ZFPM2: variants seen among roughly 807,000 people sequenced by gnomAD.
ZFPM2 encodes the protein zinc finger protein, FOG family member 2, also known as zinc finger protein ZFPM2.
ZFPM2 carries 20 observed loss-of-function variants against 98.6 expected under a neutral mutation model. That is an observed-to-expected ratio of 0.20 (90% CI 0.14 to 0.29). The LOEUF is 0.29. Among genes scored for constraint, ZFPM2 ranks in the 10% least tolerant of loss-of-function variants. ZFPM2 has a pLI of 1.00. For synonymous variants in ZFPM2, 518 were observed against 502.7 expected, an observed-to-expected ratio of 1.03 and a Z score of -0.41; for missense variants, 1,310 against 1,388.6, an observed-to-expected ratio of 0.94 and a Z score of 0.90.
intron 1 of ZFPM2, among the ~76,000 whole-genome samples, chr8:105,409,249 A>T (rs377461422): frequency 1.3e-5 from 2 of 151,844 alleles, no homozygotes; most frequent in South Asian, 2.1e-4. Flanking sequence ...AAATTGACAT[A>T]CTGTCCCCTA....
At chr8:105,497,954 A>T (rs1039803236) in intron 3 of ZFPM2, among the ~76,000 whole-genome samples, 2 of 136,986 alleles carry the variant, frequency 1.5e-5, no homozygotes, top group Non-Finnish European at 3.1e-5. Context: ...TGGGAGGGTG[A>T]GGTGGGAGGG....
At chr8:105,592,910 C>T (rs1456614797) in intron 4 of ZFPM2, among the ~76,000 whole-genome samples, 2 of 152,094 alleles carry the variant, frequency 1.3e-5, no homozygotes, top group African/African-American at 2.4e-5. Flanking sequence ...CATTTCATAT[C>T]GAAATTCTCT....
At chr8:105,429,227 T>TG (rs1446473199) in intron 2 of ZFPM2, among the ~76,000 whole-genome samples, 11 of 152,130 alleles carry the variant, frequency 7.2e-5, no homozygotes, top group African/African-American at 2.4e-4. Context: ...GTAATTTTTT[T>TG]CAATGCAAAT....
chr8:105,695,611 A>G (rs1411498673), intron 5 of ZFPM2, among the ~76,000 whole-genome samples: 1 of 152,084 alleles, frequency 6.6e-6, no homozygotes, highest in Non-Finnish European at 1.5e-5. Flanking sequence ...GCAGTCACCA[A>G]ACACATTTGA....
chr8:105,795,502 TGAAAAAAA>T (rs1014133905), intron 6 of ZFPM2, among the ~76,000 whole-genome samples: 2 of 150,808 alleles, frequency 1.3e-5, no homozygotes, highest in Admixed American at 6.6e-5. Flanking sequence ...CTTAAAAACT[TGAAAAAAA>T]GAAACAAAAT....
intron 1 of ZFPM2, among the ~76,000 whole-genome samples, chr8:105,415,875 C>G (rs1301143728): frequency 6.6e-6 from 1 of 152,060 alleles, no homozygotes; most frequent in East Asian, 1.9e-4. Flanking sequence ...GGAAGAAATA[C>G]AAGTTGGTCA....
Position 105,801,988 on chromosome 8 carries a change from G to A in ZFPM2, c.1906G>A (p.Gly636Arg). 6.2e-7 allele frequency: 1 copy of A among 1,613,684 alleles called. No homozygotes were observed. The highest frequency in any genetic ancestry group is 8.5e-7 in the Non-Finnish European group (1 of 1,179,850). ...INSSTVLDLI[G>R]PNGKGHDKDF... ...TTCTTCCACTGTCTTAGATTTAATT[G>A]GGCCAAATGGGAAGGGCCATGACAA... Residue 636 changes from glycine (G) to arginine (R), a missense_variant, in exon 8 of 8, where the codon GGG (glycine) becomes AGG (arginine). Transcript: ENST00000407775.
At position 105,489,470 on chromosome 8, in the gene ZFPM2, T is replaced by A. The variant is rs866705665; in HGVS notation, c.301+45089T>A. On this transcript the variant is annotated intron_variant, in intron 3 of 7. Coordinates refer to ENST00000407775, the MANE Select transcript of ZFPM2 (RefSeq NM_012082.4). ...TTTTTATATATATATATATATATTTTTTTTTTTTTTTGAGATGGAATCTCA... is the reference window on the plus strand; with the variant it reads ...TTTTTATATATATATATATATATTTATTTTTTTTTTTGAGATGGAATCTCA... 4.4e-3 allele frequency among the ~76,000 whole-genome samples: 550 copies of A among 126,398 alleles called. 1 individual carries two copies. Among genetic ancestry groups the A allele is most frequent in the Middle Eastern group, 4.1e-3 (1 of 242 alleles). The allele number at this position is 126,398 out of a possible 152,430, so 82.9% of individuals were successfully genotyped here. A position where few individuals can be genotyped will look rare whatever the true frequency, so the allele number is the denominator to read the frequency against.
intron 3 of ZFPM2, among the ~76,000 whole-genome samples, chr8:105,500,841 A>G (rs755618339): frequency 3.3e-5 from 5 of 152,302 alleles, no homozygotes; most frequent in South Asian, 4.1e-4. Context: ...CCTGATTCAG[A>G]CGAAAGCTAA....
chr8:105,775,145 G>A (rs1383960410), intron 5 of ZFPM2, among the ~76,000 whole-genome samples: 1 of 151,776 alleles, frequency 6.6e-6, no homozygotes, highest in Non-Finnish European at 1.5e-5. Flanking sequence ...GAATAGAGAG[G>A]TTCATTTTCA....
chr8:105,326,861 T>A (rs1421381522), intron 1 of ZFPM2, among the ~76,000 whole-genome samples: 2 of 149,828 alleles, frequency 1.3e-5, no homozygotes, highest in Non-Finnish European at 3.0e-5. Context: ...TATATATATA[T>A]AAAATAAGCT....
chr8:105,416,071 T>C (rs560108303), intron 1 of ZFPM2, among the ~76,000 whole-genome samples: 8 of 151,760 alleles, frequency 5.3e-5, no homozygotes, highest in Non-Finnish European at 1.2e-4. Flanking sequence ...ACATGTAAAA[T>C]AAAACAACCC....
At chr8:105,647,571 C>A (rs560726352) in intron 5 of ZFPM2, among the ~76,000 whole-genome samples, 146 of 150,966 alleles carry the variant, frequency 9.7e-4, no homozygotes, top group Non-Finnish European at 1.6e-3. Flanking sequence ...TGTTCCCCAC[C>A]CTGTGTCCAA....
chr8:105,438,057 TAATAAA>T (rs1391857492), intron 2 of ZFPM2, among the ~76,000 whole-genome samples: 1 of 152,026 alleles, frequency 6.6e-6, no homozygotes, highest in Non-Finnish European at 1.5e-5. Context: ...AAAATAGTAA[TAATAAA>T]AATAAAAAAT....
In ZFPM2 at chr8:105,803,080, C is replaced by T; in HGVS notation, c.2998C>T (p.His1000Tyr). 1 of 1,613,840 alleles carries T rather than the reference C, an allele frequency of 6.2e-7. No homozygotes were observed. Among genetic ancestry groups the T allele is most frequent in the Non-Finnish European group, 8.5e-7 (1 of 1,179,848 alleles). The change falls in exon 8 of 8, where the codon CAT becomes TAT. Residue 1000 changes from histidine (H) to tyrosine (Y), a missense_variant. Physicochemically the swap from His to Tyr is moderately conservative, Grantham distance 83 (BLOSUM62 2). Coordinates refer to ENST00000407775, the MANE Select transcript of ZFPM2 (RefSeq NM_012082.4). ...SDYISGSLVI[H>Y]NTDIEQSRNA... ...TTATATTTCTGGTTCTCTTGTCATCCATAACACTGACATCGAGCAAAGCAG... is the reference window on the plus strand; with the variant it reads ...TTATATTTCTGGTTCTCTTGTCATCTATAACACTGACATCGAGCAAAGCAG...
chr8:105,472,730 G>A (rs1469756254), intron 3 of ZFPM2, among the ~76,000 whole-genome samples: 4 of 151,044 alleles, frequency 2.6e-5, no homozygotes, highest in African/African-American at 7.3e-5. Context: ...GGATGGTCTC[G>A]ATCTCCTGAC....
At chr8:105,684,815 G>A (rs141378720) in intron 5 of ZFPM2, 139 of 152,114 alleles carry the variant, frequency 9.1e-4, no homozygotes, top group African/African-American at 3.1e-3. Flanking sequence ...GTCCCAGTAC[G>A]TGGTAGGACA....
chr8:105,518,340 A>AT (rs1024196052), intron 3 of ZFPM2, among the ~76,000 whole-genome samples: 2 of 152,128 alleles, frequency 1.3e-5, no homozygotes, highest in Non-Finnish European at 2.9e-5. Flanking sequence ...ATACTTCATC[A>AT]TTTTAGCTCA....
Position 105,654,236 on chromosome 8 carries a change from G to T in ZFPM2, c.532+19879G>T, listed in dbSNP as rs547378296. Among the ~76,000 whole-genome samples, 8 of 152,012 alleles carry T rather than the reference G, an allele frequency of 5.3e-5. 1 individual carries two copies. The South Asian group carries it at 1.5e-3, about 28-fold the overall frequency. On this transcript the variant is annotated intron_variant, in intron 5 of 7. Transcript: ENST00000407775. ...GAGAAGGAAAAAAAAAAACAAATTT[G>T]CTGAGCCACACATTTCAAGTTGTCG...
Sources: gnomAD v4.1 joint callset for allele counts (sites outside exome capture counted in the v4.1 genomes callset) on GRCh38, gnomAD v4.1.1 for gene constraint, MANE v1.5 for transcripts, NCBI Gene and HGNC (gene_info 2026-07-23, HGNC 2026-07-21) for gene names.